LRRIQ3: variants seen among roughly 807,000 people sequenced by gnomAD.
LRRIQ3 encodes the protein leucine rich repeats and IQ motif containing 3, also known as leucine-rich repeat and IQ domain-containing protein 3.
Under a neutral mutation model 59.3 loss-of-function variants are expected in LRRIQ3, and 75 were observed. The observed-to-expected ratio is 1.26, with a 90% CI of 1.05 to 1.53. The LOEUF (loss-of-function observed/expected upper bound fraction) is 1.53. LRRIQ3 is among the 40% of genes most tolerant of loss of function. The pLI is 0.00. For missense variants in LRRIQ3, 831 were observed against 710.0 expected, an observed-to-expected ratio of 1.17 and a Z score of -1.94; for synonymous variants, 250 against 231.3, an observed-to-expected ratio of 1.08 and a Z score of -0.73.
At chr1:74,067,028 C>T (rs1654885506) in intron 6 of LRRIQ3, among the ~76,000 whole-genome samples, 1 of 152,074 alleles carries the variant, frequency 6.6e-6, no homozygotes, top group Non-Finnish European at 1.5e-5. Flanking sequence ...TGTAGAGAAA[C>T]AAGTAGAATA....
At position 74,139,129 on chromosome 1, in the gene LRRIQ3, T is replaced by C. The variant is rs1359449342; in HGVS notation, c.707+16604A>G. On this transcript the variant is annotated intron_variant, in intron 4 of 7. Coordinates refer to ENST00000354431, the MANE Select transcript of LRRIQ3 (RefSeq NM_001105659.2). ...ATACATATATGTATGTGTGTGTGTA[T>C]ATATATATATACATGTGTGTGTGTA... 4.1e-4 allele frequency among the ~76,000 whole-genome samples: 3 copies of C among 7,258 alleles called. No homozygotes were observed. In the Admixed American group the frequency reaches 0.011, roughly 26 times the overall value. The allele number at this position is 7,258 out of a possible 152,430, so 4.8% of individuals were successfully genotyped here.
chr1:74,089,576 G>A (rs567308315), intron 5 of LRRIQ3, among the ~76,000 whole-genome samples: 1 of 152,166 alleles, frequency 6.6e-6, no homozygotes, highest in East Asian at 1.9e-4. Context: ...ATACTAAGTG[G>A]AAGTAGCCAG....
chr1:74,105,785 G>T (rs1286373509), intron 5 of LRRIQ3, among the ~76,000 whole-genome samples: 1 of 151,924 alleles, frequency 6.6e-6, no homozygotes, highest in Non-Finnish European at 1.5e-5. Context: ...ATAGTTCCAT[G>T]AGTCTTATTT....
chr1:74,051,416 T>C (rs1654365898), intron 6 of LRRIQ3, among the ~76,000 whole-genome samples: 1 of 152,172 alleles, frequency 6.6e-6, no homozygotes, highest in Non-Finnish European at 1.5e-5. Context: ...GCCATACCTA[T>C]TGTTGACATT....
At chr1:74,165,111 C>T (rs1570242822) in intron 3 of LRRIQ3, among the ~76,000 whole-genome samples, 1 of 151,410 alleles carries the variant, frequency 6.6e-6, no homozygotes, top group East Asian at 1.9e-4. Context: ...CCACTTTTTT[C>T]TTGTTTTTCT....
At chr1:74,075,364 C>T (rs1226153393) in intron 5 of LRRIQ3, among the ~76,000 whole-genome samples, 1 of 151,958 alleles carries the variant, frequency 6.6e-6, no homozygotes, top group Non-Finnish European at 1.5e-5. Flanking sequence ...GTTAGGAGTT[C>T]GAGCCCAGCC....
chr1:74,104,506 G>C (rs756930013), intron 5 of LRRIQ3, among the ~76,000 whole-genome samples: 1 of 151,906 alleles, frequency 6.6e-6, no homozygotes, highest in Non-Finnish European at 1.5e-5. Flanking sequence ...AATAAAATGT[G>C]TGCTCAAAGC....
intron 6 of LRRIQ3, among the ~76,000 whole-genome samples, chr1:74,073,425 C>T (rs115810319): frequency 0.033 from 5,085 of 151,918 alleles, 305 homozygotes; most frequent in African/African-American, 0.12. Flanking sequence ...GGTGGAGGAT[C>T]GCTTGATCCT....
intron 4 of LRRIQ3, among the ~76,000 whole-genome samples, chr1:74,121,603 T>C (rs1646857130): frequency 6.6e-6 from 1 of 152,214 alleles, no homozygotes; most frequent in Non-Finnish European, 1.5e-5. Context: ...TTAATTATAC[T>C]TTAAGTTTTA....
At chr1:74,118,410 TACTTTTTAACA>T (rs761855145) in intron 4 of LRRIQ3, among the ~76,000 whole-genome samples, 7 of 152,166 alleles carry the variant, frequency 4.6e-5, no homozygotes, top group Non-Finnish European at 8.8e-5. Flanking sequence ...ACTAACCCAT[TACTTTTTAACA>T]ACTGCATAAT....
intron 6 of LRRIQ3, among the ~76,000 whole-genome samples, chr1:74,054,185 T>C (rs1411266074): frequency 6.6e-6 from 1 of 152,202 alleles, no homozygotes; most frequent in South Asian, 2.1e-4. Flanking sequence ...CCATGGAATA[T>C]TATTCAGTGC....
intron 6 of LRRIQ3, among the ~76,000 whole-genome samples, chr1:74,056,732 A>C (rs1654546290): frequency 6.6e-6 from 1 of 152,200 alleles, no homozygotes; most frequent in African/African-American, 2.4e-5. Context: ...AATAAATGGA[A>C]AACTATCCTG....
intron 4 of LRRIQ3, among the ~76,000 whole-genome samples, chr1:74,129,979 A>T (rs952345486): frequency 6.6e-6 from 1 of 151,804 alleles, no homozygotes; most frequent in Non-Finnish European, 1.5e-5. Context: ...ACCAAAAAAA[A>T]GTCCTCCTTA....
chr1:74,054,319 T>C (rs910953791), intron 6 of LRRIQ3, among the ~76,000 whole-genome samples: 3 of 152,064 alleles, frequency 2.0e-5, no homozygotes, highest in African/African-American at 4.8e-5. Flanking sequence ...ATACAATATG[T>C]GTGAACAGGT....
intron 4 of LRRIQ3, among the ~76,000 whole-genome samples, chr1:74,150,284 A>C (rs1454056071): frequency 6.6e-6 from 1 of 152,034 alleles, no homozygotes; most frequent in Non-Finnish European, 1.5e-5. Flanking sequence ...TGAACCACAG[A>C]CTCTTCTCAC....
chr1:74,073,746 A>C (rs1646164620), intron 6 of LRRIQ3, among the ~76,000 whole-genome samples: 1 of 152,156 alleles, frequency 6.6e-6, no homozygotes, highest in Non-Finnish European at 1.5e-5. Context: ...AAATGGGATA[A>C]AGACACCATC....
chr1:74,069,961 A>G (rs1384393202), intron 6 of LRRIQ3, among the ~76,000 whole-genome samples: 1 of 152,108 alleles, frequency 6.6e-6, no homozygotes. Context: ...TTATTATAAA[A>G]AGTCAAAAAA....
intron 5 of LRRIQ3, among the ~76,000 whole-genome samples, chr1:74,100,815 T>A (rs2100541455): frequency 6.6e-6 from 1 of 151,996 alleles, no homozygotes; most frequent in East Asian, 2.0e-4. Context: ...GGGAAAGGAT[T>A]CCCTATTTAA....
At chr1:74,095,925 G>C (rs1189991681) in intron 5 of LRRIQ3, among the ~76,000 whole-genome samples, 1 of 151,724 alleles carries the variant, frequency 6.6e-6, no homozygotes, top group Non-Finnish European at 1.5e-5. Context: ...AAAATTATGA[G>C]GCCCCTAAAA....
Sources: gnomAD v4.1 joint callset for allele counts (sites outside exome capture counted in the v4.1 genomes callset) on GRCh38, gnomAD v4.1.1 for gene constraint, MANE v1.5 for transcripts, NCBI Gene and HGNC (gene_info 2026-07-23, HGNC 2026-07-21) for gene names.